Variants in SMARCD2 observed in about 807,000 individuals in gnomAD.
SMARCD2 encodes SWI/SNF related BAF chromatin remodeling complex subunit D2, also known as SWI/SNF-related matrix-associated actin-dependent regulator of chromatin subfamily D member 2.
In SMARCD2, 39 loss-of-function variants were observed where a neutral mutation model predicts 70.4. The observed-to-expected ratio is 0.55, with a 90% CI of 0.43 to 0.72. SMARCD2 has a LOEUF of 0.72. SMARCD2 is among the 30% of genes least tolerant of loss of function. The probability of loss-of-function intolerance (pLI) is 0.00; values close to 1 mark genes in which losing one functional copy is unlikely to be tolerated. For missense variants in SMARCD2, 540 were observed against 713.4 expected (o/e 0.76, Z 2.77); for synonymous variants, 249 against 279.4 (o/e 0.89, Z 1.08).
At chr17:63,838,651 G>A (rs2040295122) in intron 1 of SMARCD2, 3 of 1,492,258 alleles carry the variant, frequency 2.0e-6, no homozygotes, top group Non-Finnish European at 1.8e-6. Context: ...GCCCATCTGG[G>A]AGTCACCTCC....
At chr17:63,835,017 C>T (rs1733135211) in intron 5 of SMARCD2, 6 of 583,090 alleles carry the variant, frequency 1.0e-5, no homozygotes, top group Non-Finnish European at 1.8e-5. Flanking sequence ...CACTCGACTG[C>T]CATCTGCAGG....
chr17:63,835,544 G>A lies in SMARCD2; in HGVS notation c.591C>T (p.Tyr197=). The A allele has an allele frequency of 6.2e-7, 1 of 1,613,980 alleles. No homozygotes were observed. Among genetic ancestry groups the A allele is most frequent in the South Asian group, 1.1e-5 (1 of 91,072 alleles). ...TGCTGGGACTGAACGTATTGGAAAT[G>A]TAGATCCGAAGCTTTCGCTTTTGCT... ...PLTQKRKLRI[Y]ISNTFSPSKA... Residue 197 remains tyrosine, a synonymous_variant, in exon 5 of 13, where the codon TAC becomes TAT. Coordinates refer to ENST00000448276, the MANE Select transcript of SMARCD2 (RefSeq NM_001098426.2).
chr17:63,834,415 C>G lies in SMARCD2; in HGVS notation c.921+59G>C. On this transcript the variant is annotated intron_variant, in intron 7 of 12. Coordinates refer to ENST00000448276, the MANE Select transcript of SMARCD2 (RefSeq NM_001098426.2). The surrounding 1 kb of genome is among the most constrained non-coding windows in gnomAD (Gnocchi z 5.6). ...CAGGGACAGGAAGGGTTTCTAGGAA[C>G]CAGCTCCCCTCCTGAGGGGTCCCTG... 1 of 1,561,262 alleles carries G rather than the reference C, an allele frequency of 6.4e-7. No individual in the cohort carries two copies. Among genetic ancestry groups the G allele is most frequent in the Non-Finnish European group, 8.7e-7 (1 of 1,143,540 alleles).
Position 63,832,747 on chromosome 17 carries a change from T to C in SMARCD2, c.*191A>G. The C allele has an allele frequency of 1.6e-6, 1 of 617,474 alleles. No individual in the cohort carries two copies. The highest frequency in any genetic ancestry group is 2.9e-6 in the Non-Finnish European group (1 of 347,258). 38.2% of individuals were successfully genotyped at this position (617,474 alleles called of 1,614,324 possible). On this transcript the variant is annotated 3_prime_UTR_variant, in exon 13 of 13. Coordinates refer to ENST00000448276, the MANE Select transcript of SMARCD2 (RefSeq NM_001098426.2). ...ATCTGCTGAACCCAATTAAAGCCAA[T>C]GCAAAAAGTATAAGGCTTTGGGGAC...
In SMARCD2 at chr17:63,832,629, C is replaced by G. The variant is rs976113108; in HGVS notation, c.*309G>C. On this transcript the variant is annotated 3_prime_UTR_variant, in exon 13 of 13. Coordinates refer to ENST00000448276, the MANE Select transcript of SMARCD2 (RefSeq NM_001098426.2). ...CAGGGGGAGTCTGTAAACATGCAAA[C>G]CCAGCAGCCTTTGGTTCGGAAATGT... 1 of 455,180 alleles carries G rather than the reference C, an allele frequency of 2.2e-6. No homozygotes were observed. Among genetic ancestry groups the G allele is most frequent in the African/African-American group, 2.0e-5 (1 of 50,640 alleles). The allele number at this position is 455,180 out of a possible 1,614,324, so 28.2% of individuals were successfully genotyped here.
chr17:63,837,347 C>G lies in SMARCD2; in HGVS notation c.401+94G>C. ...CCTCTCCCCCAGGAGAGCCTGGAGT[C>G]ATCCTCAGTCACCAAAGCTCTTAAG... On this transcript the variant is annotated intron_variant, in intron 2 of 12. Coordinates refer to ENST00000448276, the MANE Select transcript of SMARCD2 (RefSeq NM_001098426.2). The surrounding 1 kb of genome is among the most constrained non-coding windows in gnomAD (Gnocchi z 6.4). 1 of 1,520,290 alleles carries G rather than the reference C, an allele frequency of 6.6e-7. No individual in the cohort carries two copies. The highest frequency in any genetic ancestry group is 9.1e-7 in the Non-Finnish European group (1 of 1,095,744). 94.2% of individuals were successfully genotyped at this position (1,520,290 alleles called of 1,614,324 possible).
chr17:63,841,791 G>C (rs926322824), intron 1 of SMARCD2, among the ~76,000 whole-genome samples: 1 of 152,244 alleles, frequency 6.6e-6, no homozygotes, highest in Non-Finnish European at 1.5e-5. Context: ...AAGCCCAGAA[G>C]AGAGCCGGCC....
At chr17:63,835,079 C>T in intron 5 of SMARCD2, 2 of 536,686 alleles carry the variant, frequency 3.7e-6, no homozygotes, top group East Asian at 3.2e-5. Context: ...GAGCAGCGCC[C>T]CCCTCCCTAT....
chr17:63,834,259 TGGC>T lies in SMARCD2; in HGVS notation c.988_990del (p.Ala330del). 2 of 1,610,996 alleles carry T rather than the reference TGGC, an allele frequency of 1.2e-6. No homozygotes were observed. The highest frequency in any genetic ancestry group is 1.7e-6 in the Non-Finnish European group (2 of 1,178,710). On this transcript the variant is annotated inframe_deletion, in exon 8 of 13. Coordinates refer to ENST00000448276, the MANE Select transcript of SMARCD2 (RefSeq NM_001098426.2). The surrounding 1 kb of genome is among the most constrained non-coding windows in gnomAD (Gnocchi z 5.6). ...ATGTAAAGCCACAGGGCCTGCATGA[TGGC>T]GGCCCTCGTCTGCGTGTGCACTCCC...
In SMARCD2 at chr17:63,834,365, A is replaced by G. The variant is rs2040237487; in HGVS notation, c.922-37T>C. On this transcript the variant is annotated intron_variant, in intron 7 of 12. Transcript: ENST00000448276. This position sits in a 1 kb window ranked among gnomAD's most constrained non-coding sequence, Gnocchi z 5.6. ...TGGAGGGGAGTCAGAACGGGTTCTT[A>G]TAGTAGAACAGTGGGAAAATAGGGC... 1 of 1,596,070 alleles carries G rather than the reference A, an allele frequency of 6.3e-7. No homozygotes were observed. Among genetic ancestry groups the G allele is most frequent in the Non-Finnish European group, 8.6e-7 (1 of 1,166,184 alleles).
intron 5 of SMARCD2, chr17:63,835,200 T>G: frequency 1.7e-6 from 1 of 572,996 alleles, no homozygotes; most frequent in East Asian, 2.9e-5. Context: ...CATAACTCAC[T>G]GAAGCTCGAC....
In SMARCD2 at chr17:63,837,306, C is replaced by T; in HGVS notation, c.402-69G>A. On this transcript the variant is annotated intron_variant, in intron 2 of 12. Coordinates refer to ENST00000448276, the MANE Select transcript of SMARCD2 (RefSeq NM_001098426.2). The surrounding 1 kb of genome is among the most constrained non-coding windows in gnomAD (Gnocchi z 6.4). ...AAGGACACTCACTCCCATAACGCCC[C>T]TCCAGTCTCCAGGACCCTCTCCCCC... The T allele has an allele frequency of 6.5e-7, 1 of 1,545,938 alleles. No individual in the cohort carries two copies. The highest frequency in any genetic ancestry group is 2.2e-5 in the East Asian group (1 of 44,508).
At chr17:63,836,212 G>C (rs1216850127) in intron 4 of SMARCD2, among the ~76,000 whole-genome samples, 1 of 150,898 alleles carries the variant, frequency 6.6e-6, no homozygotes, top group Non-Finnish European at 1.5e-5. Flanking sequence ...ACTCGGGACT[G>C]TTCTACATTA....
In SMARCD2 at chr17:63,833,579, G is replaced by A. The variant is rs753702508; in HGVS notation, c.1317+8C>T. 1 of 1,613,998 alleles carries A rather than the reference G, an allele frequency of 6.2e-7. No individual in the cohort carries two copies. The highest frequency in any genetic ancestry group is 1.1e-5 in the South Asian group (1 of 91,084). On this transcript the variant is annotated splice_region_variant and intron_variant, in intron 10 of 12. Transcript: ENST00000448276. The surrounding 1 kb of genome is among the most constrained non-coding windows in gnomAD (Gnocchi z 4.3). ...CCCCAGAGGAAGCTGTGGAGCCAGA[G>A]GGCCCACCTTGACATCAAGGGAGGC...
At position 63,837,579 on chromosome 17, in the gene SMARCD2, T is replaced by C. The variant is rs765596204; in HGVS notation, c.263A>G (p.Gln88Arg). ...TGGGGAGCCAGCAGGGGGTCCCACC[T>C]GCAAGCCAGCCATGGGCATCCGGTT... ...PGNRMPMAGLQVGPPAGSPFG... is the reference protein window; with the variant it reads ...PGNRMPMAGLRVGPPAGSPFG... The change falls in exon 2 of 13, where the codon CAG becomes CGG. Residue 88 changes from glutamine to arginine, a missense_variant. Physicochemically the swap from Gln to Arg is conservative, Grantham distance 43. Coordinates refer to ENST00000448276, the MANE Select transcript of SMARCD2 (RefSeq NM_001098426.2). The surrounding 1 kb of genome is among the most constrained non-coding windows in gnomAD (Gnocchi z 6.4). 1.9e-6 allele frequency: 3 copies of C among 1,612,692 alleles called. No homozygotes were observed. The highest frequency in any genetic ancestry group is 4.5e-5 in the East Asian group (2 of 44,868).
intron 4 of SMARCD2, among the ~76,000 whole-genome samples, chr17:63,836,500 G>GAAAA (rs61376475): frequency 1.5e-5 from 1 of 64,824 alleles, no homozygotes. Flanking sequence ...CTCCATCTCA[G>GAAAA]AAAAAAAAAA....
rs933462155 is a variant in SMARCD2 at position 63,833,800 on chromosome 17, T to C, written c.1182-78A>G. On this transcript the variant is annotated intron_variant, in intron 9 of 12. Coordinates refer to ENST00000448276, the MANE Select transcript of SMARCD2 (RefSeq NM_001098426.2). This position sits in a 1 kb window ranked among gnomAD's most constrained non-coding sequence, Gnocchi z 4.3. ...CCTGGGCCAAATCTGGGGCCCATTC[T>C]CTGCACACACTCAGGGAAAAAGAAA... 1.3e-6 allele frequency: 2 copies of C among 1,589,004 alleles called. No homozygotes were observed. The highest frequency in any genetic ancestry group is 1.7e-6 in the Non-Finnish European group (2 of 1,158,384).
rs2144623695 is a variant in SMARCD2 at position 63,832,806 on chromosome 17, A to G, written c.*132T>C. 1 of 765,428 alleles carries G rather than the reference A, an allele frequency of 1.3e-6. No individual in the cohort carries two copies. The highest frequency in any genetic ancestry group is 2.7e-5 in the East Asian group (1 of 37,074). 47.4% of individuals were successfully genotyped at this position (765,428 alleles called of 1,614,324 possible). The stretch of plus-strand genomic sequence containing the variant: ...AAGGAATCCTATCACTACATTTATA[A>G]GACTAAAGCTGGAGAGTAGAGGGTG... On this transcript the variant is annotated 3_prime_UTR_variant, in exon 13 of 13. Coordinates refer to ENST00000448276, the MANE Select transcript of SMARCD2 (RefSeq NM_001098426.2).
At chr17:63,836,500 GA>G (rs61376475) in intron 4 of SMARCD2, among the ~76,000 whole-genome samples, 10 of 64,824 alleles carry the variant, frequency 1.5e-4, no homozygotes, top group East Asian at 9.6e-4. Context: ...CTCCATCTCA[GA>G]AAAAAAAAAA....
Sources: allele counts gnomAD v4.1 joint callset (sites outside exome capture counted in the v4.1 genomes callset), GRCh38; gene constraint gnomAD v4.1.1; non-coding constraint Gnocchi (gnomAD v3.1); transcripts MANE v1.5; gene names NCBI Gene and HGNC (gene_info 2026-07-23, HGNC 2026-07-21).